The following NEK6 variants were observed in gnomAD, a reference collection of about 807,000 sequenced individuals.
The protein encoded by NEK6 is NIMA related kinase 6.
A neutral mutation model predicts 43.5 loss-of-function variants in NEK6; 27 were observed. The observed-to-expected ratio is 0.62, with a 90% CI of 0.46 to 0.86. The LOEUF (loss-of-function observed/expected upper bound fraction) is 0.86, where lower values mean the gene tolerates loss of function less well. Among genes scored for constraint, NEK6 ranks in the 40% least tolerant of loss-of-function variants. The pLI is 0.00. For synonymous variants in NEK6, 167 were observed against 164.1 expected, an observed-to-expected ratio of 1.02 and a Z score of -0.14; for missense variants, 318 against 414.4, an observed-to-expected ratio of 0.77 and a Z score of 2.02.
Position 124,339,620 on chromosome 9 carries a change from C to T in NEK6, c.672C>T (p.Tyr224=). 6.2e-7 allele frequency: 1 copy of T among 1,614,102 alleles called. No homozygotes were observed. Among genetic ancestry groups the T allele is most frequent in the East Asian group, 2.2e-5 (1 of 44,864 alleles). ...MSPERIHENG[Y]NFKSDIWSLG... ...CGGAGAGGATCCATGAGAACGGCTA[C>T]AACTTCAAGTCCGACATCTGGTCCC... Residue 224 remains tyrosine, a synonymous_variant, in exon 8 of 10, where the codon TAC becomes TAT. Coordinates refer to ENST00000320246, the MANE Select transcript of NEK6 (RefSeq NM_014397.6).
At chr9:124,342,319 G>A (rs973681975) in intron 8 of NEK6, among the ~76,000 whole-genome samples, 19 of 152,212 alleles carry the variant, frequency 1.2e-4, no homozygotes, top group Non-Finnish European at 2.2e-4. Context: ...TGGATGGTCG[G>A]GGAGCACAAT....
chr9:124,276,051 AGGCTGGGG>A (rs1831637528), intron 1 of NEK6, among the ~76,000 whole-genome samples: 1 of 151,326 alleles, frequency 6.6e-6, no homozygotes, highest in Non-Finnish European at 1.5e-5. Flanking sequence ...TGGCCCGTGG[AGGCTGGGG>A]GGCTGGGAGG....
At chr9:124,265,081 G>T (rs1831178458) in intron 1 of NEK6, among the ~76,000 whole-genome samples, 1 of 152,160 alleles carries the variant, frequency 6.6e-6, no homozygotes, top group Admixed American at 6.5e-5. Context: ...ACTGGGGAGC[G>T]ACTGATTAAG....
intron 2 of NEK6, among the ~76,000 whole-genome samples, chr9:124,304,380 G>A (rs532277223): frequency 3.2e-4 from 48 of 152,338 alleles, no homozygotes; most frequent in Non-Finnish European, 5.1e-4. Context: ...ATGCTTTGAT[G>A]TGGGCCAGGC....
At chr9:124,341,191 C>T (rs58506442) in intron 8 of NEK6, among the ~76,000 whole-genome samples, 2,412 of 152,288 alleles carry the variant, frequency 0.016, 61 homozygotes, top group African/African-American at 0.054. Flanking sequence ...TACAGACGCC[C>T]GCCACCCCAC....
At chr9:124,350,509 CA>C in intron 9 of NEK6, among the ~76,000 whole-genome samples, 1 of 41,492 alleles carries the variant, frequency 2.4e-5, no homozygotes, top group African/African-American at 1.1e-4. Context: ...CAGACACACA[CA>C]CACACACACA....
At position 124,313,889 on chromosome 9, in the gene NEK6, A is replaced by G. The variant is rs1447251318; in HGVS notation, c.232-34A>G. 4 of 1,611,966 alleles carry G rather than the reference A, an allele frequency of 2.5e-6. No homozygotes were observed. The African/African-American group carries it at 5.3e-5, about 22-fold the overall frequency. Reference sequence around the variant, plus strand: ...CTTTGGGTCACTGGACACAGATTGTAACCACTCTATTTCTCTTTTTCCTCC... The same window carrying G: ...CTTTGGGTCACTGGACACAGATTGTGACCACTCTATTTCTCTTTTTCCTCC... On this transcript the variant is annotated intron_variant, in intron 3 of 9. Coordinates refer to ENST00000320246, the MANE Select transcript of NEK6 (RefSeq NM_014397.6).
chr9:124,334,069 G>C (rs985383051), intron 7 of NEK6, among the ~76,000 whole-genome samples: 1 of 152,178 alleles, frequency 6.6e-6, no homozygotes, highest in South Asian at 2.1e-4. Context: ...GAGCCACCAC[G>C]CCCGGCCCAA....
rs1285279638 is a variant in NEK6, at chr9:124,275,005, C to T, written c.-30+16920C>T. The stretch of plus-strand genomic sequence containing the variant: ...CGACCTAACTTAGTACAATTCTTAA[C>T]CTGAGCAGGGACCCCAGGGGCACGA... On this transcript the variant is annotated intron_variant, in intron 1 of 9. Transcript: ENST00000320246. This position sits in a 1 kb window ranked among gnomAD's most constrained non-coding sequence, Gnocchi z 4.4. Among the ~76,000 whole-genome samples, 1 of 152,138 alleles carries T rather than the reference C, an allele frequency of 6.6e-6. No individual in the cohort carries two copies. The highest frequency in any genetic ancestry group is 1.5e-5 in the Non-Finnish European group (1 of 68,022).
At chr9:124,304,489 A>G (rs1157865664) in intron 2 of NEK6, among the ~76,000 whole-genome samples, 1 of 152,196 alleles carries the variant, frequency 6.6e-6, no homozygotes, top group Non-Finnish European at 1.5e-5. Context: ...TGGGATAATA[A>G]TGCCGCTTCC....
chr9:124,342,746 C>T (rs1174449988), intron 8 of NEK6, among the ~76,000 whole-genome samples: 4 of 152,240 alleles, frequency 2.6e-5, no homozygotes, highest in African/African-American at 9.6e-5. Context: ...GATGGCTTTT[C>T]GTTTCTTTTT....
chr9:124,299,733 C>G (rs1832861174), intron 1 of NEK6, among the ~76,000 whole-genome samples: 1 of 152,114 alleles, frequency 6.6e-6, no homozygotes, highest in African/African-American at 2.4e-5. Flanking sequence ...ACTGATCTGA[C>G]AGTGCTCTGT....
chr9:124,326,850 C>T lies in NEK6; in HGVS notation c.514+412C>T, dbSNP rs1478938388. 1.3e-5 allele frequency among the ~76,000 whole-genome samples: 2 copies of T among 152,192 alleles called. No homozygotes were observed. The highest frequency in any genetic ancestry group is 4.8e-5 in the African/African-American group (2 of 41,460). On this transcript the variant is annotated intron_variant, in intron 6 of 9. Coordinates refer to ENST00000320246, the MANE Select transcript of NEK6 (RefSeq NM_014397.6). The surrounding 1 kb of genome is among the most constrained non-coding windows in gnomAD (Gnocchi z 4.5). ...AGAAAGGAGCCTGCTGGGTGCCCGG[C>T]AGGGCACGAGGTCCTTTACGTAGGC...
chr9:124,289,763 A>G (rs529752889), intron 1 of NEK6, among the ~76,000 whole-genome samples: 1 of 152,234 alleles, frequency 6.6e-6, no homozygotes, highest in Non-Finnish European at 1.5e-5. Flanking sequence ...TGTCAGCCGT[A>G]TAAGAAGCAT....
chr9:124,336,689 A>T (rs1476717012), intron 7 of NEK6, among the ~76,000 whole-genome samples: 2 of 152,120 alleles, frequency 1.3e-5, no homozygotes, highest in Admixed American at 1.3e-4. Flanking sequence ...AGGCCAGTGA[A>T]AATGTTCTCA....
intron 2 of NEK6, among the ~76,000 whole-genome samples, chr9:124,310,376 G>C (rs1833469530): frequency 6.6e-6 from 1 of 152,208 alleles, no homozygotes; most frequent in Non-Finnish European, 1.5e-5. Context: ...GTATTTACCC[G>C]ACAGACATTG....
intron 1 of NEK6, among the ~76,000 whole-genome samples, chr9:124,271,665 C>T (rs1192210245): frequency 6.6e-6 from 1 of 152,256 alleles, no homozygotes; most frequent in East Asian, 1.9e-4. Context: ...AGTTAGTGCT[C>T]TTTGCACACG....
In NEK6 at chr9:124,313,974, G is replaced by C; in HGVS notation, c.283G>C (p.Gly95Arg). ...GAGGCAGGACTGTGTCAAGGAGATC[G>C]GCCTCTTGAAGGTGAGCACCCTGGG... The part of the protein sequence containing the change: ...KARQDCVKEI[G>R]LLKQLNHPNI... Residue 95 changes from glycine (G) to arginine (R), a missense_variant, in exon 4 of 10, where the codon GGC (glycine) becomes CGC (arginine). Transcript: ENST00000320246. 1.9e-6 allele frequency: 3 copies of C among 1,614,152 alleles called. No homozygotes were observed. Among genetic ancestry groups the C allele is most frequent in the East Asian group, 2.2e-5 (1 of 44,882 alleles).
At chr9:124,289,650 C>T (rs1226837053) in intron 1 of NEK6, among the ~76,000 whole-genome samples, 2 of 152,196 alleles carry the variant, frequency 1.3e-5, no homozygotes, top group Admixed American at 6.5e-5. Flanking sequence ...TTAGCAATTC[C>T]AGACCGAAAA....
Sources: allele counts gnomAD v4.1 joint callset (sites outside exome capture counted in the v4.1 genomes callset), GRCh38; gene constraint gnomAD v4.1.1; non-coding constraint Gnocchi (gnomAD v3.1); transcripts MANE v1.5; gene names NCBI Gene and HGNC (gene_info 2026-07-23, HGNC 2026-07-21).